SDK2: variants seen among roughly 807,000 people sequenced by gnomAD.
The protein encoded by SDK2 is protein sidekick-2.
SDK2 carries 105 observed loss-of-function variants against 253.9 expected under a neutral mutation model. The observed-to-expected ratio is 0.41, with a 90% CI of 0.35 to 0.49. The LOEUF (loss-of-function observed/expected upper bound fraction) is 0.49, where lower values mean the gene tolerates loss of function less well. SDK2 is among the 20% of genes least tolerant of loss of function. SDK2 has a pLI of 0.06. For synonymous variants in SDK2, 1,249 were observed against 1,234.9 expected, an observed-to-expected ratio of 1.01 and a Z score of -0.24; for missense variants, 2,608 against 3,003.0, an observed-to-expected ratio of 0.87 and a Z score of 3.07.
chr17:73,581,056 T>TC (rs1041651247), intron 1 of SDK2, among the ~76,000 whole-genome samples: 18 of 151,910 alleles, frequency 1.2e-4, no homozygotes, highest in Non-Finnish European at 2.4e-4. Context: ...TTTTTGGTTT[T>TC]TTTTTTCAGA....
chr17:73,386,101 T>C (rs1490706219), intron 31 of SDK2, among the ~76,000 whole-genome samples, 184 bp from the exon 32 acceptor site: 1 of 152,116 alleles, frequency 6.6e-6, no homozygotes, highest in Non-Finnish European at 1.5e-5. Context: ...AGGGAGGGAC[T>C]GTGAGCTGAC....
At chr17:73,531,649 A>C (rs2064169987) in intron 1 of SDK2, among the ~76,000 whole-genome samples, 1 of 152,174 alleles carries the variant, frequency 6.6e-6, no homozygotes, top group Admixed American at 6.5e-5. Flanking sequence ...AATCTACTTA[A>C]TTAAAGGTAT....
chr17:73,620,907 GATAAA>G (rs1422073989), intron 1 of SDK2, among the ~76,000 whole-genome samples: 4 of 152,180 alleles, frequency 2.6e-5, no homozygotes, highest in Non-Finnish European at 5.9e-5. Context: ...CTTTTGGGGT[GATAAA>G]ATGTCTTGAA....
chr17:73,435,454 G>T lies in SDK2; in HGVS notation c.1191C>A (p.Val397=). ...ACAAGGGAAGGCCCAACTTACTGGT[G>T]ACAGCCAGGTAGGTGGAAGTTTGCA... ...GEVQTSTYLA[V]TSIAPNITRG... is the part of the protein sequence containing the mutation. Residue 397 remains valine (V), a synonymous_variant, in exon 9 of 45, where the codon GTC becomes GTA. Coordinates refer to ENST00000392650, the MANE Select transcript of SDK2 (RefSeq NM_001144952.2). The surrounding 1 kb of genome is among the most constrained non-coding windows in gnomAD (Gnocchi z 5.7). The T allele has an allele frequency of 6.3e-7, 1 of 1,589,634 alleles. No homozygotes were observed. The highest frequency in any genetic ancestry group is 8.6e-7 in the Non-Finnish European group (1 of 1,167,354).
At chr17:73,408,961 TTAAA>T (rs1402865925) in intron 18 of SDK2, among the ~76,000 whole-genome samples, 2 of 152,204 alleles carry the variant, frequency 1.3e-5, no homozygotes, top group Admixed American at 1.3e-4. Context: ...TGGTTTTATT[TTAAA>T]TAGAGATCTC....
intron 1 of SDK2, among the ~76,000 whole-genome samples, chr17:73,575,072 C>T (rs1165184243): frequency 6.6e-6 from 1 of 152,196 alleles, no homozygotes; most frequent in African/African-American, 2.4e-5. Flanking sequence ...GGAGGCTGGG[C>T]TCTGCCTGGG....
At chr17:73,479,071 T>G (rs1247573797) in intron 2 of SDK2, among the ~76,000 whole-genome samples, 2 of 152,268 alleles carry the variant, frequency 1.3e-5, no homozygotes, top group African/African-American at 4.8e-5. Context: ...GCACATACAT[T>G]TGTGCACACA....
chr17:73,462,276 T>C (rs1041018288), intron 3 of SDK2, among the ~76,000 whole-genome samples: 5 of 151,942 alleles, frequency 3.3e-5, no homozygotes, highest in Admixed American at 2.6e-4. Flanking sequence ...GTGGGATGCA[T>C]GGTTGTATGT....
At chr17:73,633,348 G>A (rs2046292023) in intron 1 of SDK2, among the ~76,000 whole-genome samples, 1 of 152,208 alleles carries the variant, frequency 6.6e-6, no homozygotes, top group Non-Finnish European at 1.5e-5. Flanking sequence ...TGGGATAGTA[G>A]GTGGTTTCAG....
intron 43 of SDK2, 113 bp downstream of exon 43, chr17:73,350,124 C>T: frequency 2.0e-6 from 2 of 1,006,710 alleles, no homozygotes; most frequent in Non-Finnish European, 2.8e-6. Context: ...AATGGTGTTT[C>T]CCAGGACAAG....
Position 73,509,902 on chromosome 17 carries a change from C to CAAAAAAAAAAAAAAAAAAAAAAAAA in SDK2, c.65-2306_65-2305insTTTTTTTTTTTTTTTTTTTTTTTTT, listed in dbSNP as rs71157018. Among the ~76,000 whole-genome samples the CAAAAAAAAAAAAAAAAAAAAAAAAA allele has an allele frequency of 9.7e-3, 245 of 25,336 alleles. 23 individuals are homozygous for CAAAAAAAAAAAAAAAAAAAAAAAAA. Among genetic ancestry groups the CAAAAAAAAAAAAAAAAAAAAAAAAA allele is most frequent in the Non-Finnish European group, 0.012 (168 of 14,262 alleles). 16.6% of individuals were successfully genotyped at this position (25,336 alleles called of 152,430 possible). A position where few individuals can be genotyped will look rare whatever the true frequency, so the allele number is the denominator to read the frequency against. ...GCAACAGAGCAAGACTCCATCTCTA[C>CAAAAAAAAAAAAAAAAAAAAAAAAA]AAAAAAAAAAAAAAAAAAAAGAAGG... On this transcript the variant is annotated intron_variant, in intron 1 of 44. Coordinates refer to ENST00000392650, the MANE Select transcript of SDK2 (RefSeq NM_001144952.2).
Position 73,473,242 on chromosome 17 carries a change from C to T in SDK2, c.225-1024G>A, listed in dbSNP as rs141478694. Among the ~76,000 whole-genome samples, 449 of 152,304 alleles carry T rather than the reference C, an allele frequency of 2.9e-3. 1 individual carries two copies. Among genetic ancestry groups the T allele is most frequent in the African/African-American group, 9.5e-3 (393 of 41,568 alleles). On this transcript the variant is annotated intron_variant, in intron 2 of 44. Transcript: ENST00000392650. Reference sequence around the variant, plus strand: ...GCATTGGGGGGCAGGCGGCTGGGAGCAGGTGTATGTACATTCACCTAGCTG... The same window carrying T: ...GCATTGGGGGGCAGGCGGCTGGGAGTAGGTGTATGTACATTCACCTAGCTG...
At chr17:73,596,122 C>T (rs1386323982) in intron 1 of SDK2, among the ~76,000 whole-genome samples, 1 of 152,194 alleles carries the variant, frequency 6.6e-6, no homozygotes, top group Admixed American at 6.5e-5. Flanking sequence ...CACAGGGAGT[C>T]CCAGCTGCAG....
In SDK2 at chr17:73,391,469, G is replaced by T; in HGVS notation, c.3968C>A (p.Pro1323His). The T allele has an allele frequency of 2.3e-6, 3 of 1,310,476 alleles. No homozygotes were observed. Among genetic ancestry groups the T allele is most frequent in the Non-Finnish European group, 2.9e-6 (3 of 1,020,976 alleles). The allele number at this position is 1,310,476 out of a possible 1,614,324, so 81.2% of individuals were successfully genotyped here. The change falls in exon 28 of 45, where the codon CCC becomes CAC. Residue 1323 changes from proline to histidine, a missense_variant. Physicochemically the swap from Pro to His is moderately conservative, Grantham distance 77. Around this residue, in one of 2 missense-constraint regions of SDK2, gnomAD observed 1,505 missense variants for 1,859.1 expected, o/e 0.81. Coordinates refer to ENST00000392650, the MANE Select transcript of SDK2 (RefSeq NM_001144952.2). ...RTTSVRLIWQ[P>H]PAAPNGIILA... is the part of the protein sequence containing the mutation. ...AATGATGCCATTGGGGGCGGCAGGG[G>T]GCTGCCAGATCAGCCGCACAGACGT...
At position 73,642,977 on chromosome 17, in the gene SDK2, G is replaced by A. The variant is rs1416377862; in HGVS notation, c.64+1048C>T. On this transcript the variant is annotated intron_variant, in intron 1 of 44. Coordinates refer to ENST00000392650, the MANE Select transcript of SDK2 (RefSeq NM_001144952.2). This position sits in a 1 kb window ranked among gnomAD's most constrained non-coding sequence, Gnocchi z 4.7. ...GGCCCCCTCCTGAGCCTGCGAGAGT[G>A]AAGGCCTAGCCCTGCGAGTCCTGGA... The A allele has an allele frequency of 1.3e-5, 2 of 152,208 alleles. No homozygotes were observed. The highest frequency in any genetic ancestry group is 2.4e-5 in the African/African-American group (1 of 41,428). The allele number at this position is 152,208 out of a possible 1,614,324, so 9.4% of individuals were successfully genotyped here.
intron 1 of SDK2, among the ~76,000 whole-genome samples, chr17:73,564,025 C>T (rs574929270): frequency 3.3e-5 from 5 of 152,146 alleles, no homozygotes; most frequent in Admixed American, 6.5e-5. Flanking sequence ...TTCACACACC[C>T]GGCCTCCCAA....
intron 13 of SDK2, 127 bp from the exon 14 acceptor site, chr17:73,423,649 C>A (rs541676738): frequency 1.7e-6 from 2 of 1,168,602 alleles, no homozygotes; most frequent in African/African-American, 3.1e-5. Context: ...AAAATGTGGC[C>A]TTCGGGCCAT....
At chr17:73,544,483 G>A (rs1269231853) in intron 1 of SDK2, among the ~76,000 whole-genome samples, 1 of 152,206 alleles carries the variant, frequency 6.6e-6, no homozygotes, top group Non-Finnish European at 1.5e-5. Context: ...ATTGGATGGA[G>A]GAGTGGATGG....
chr17:73,433,689 G>T, intron 10 of SDK2, 43 bp downstream of exon 10: 1 of 1,444,556 alleles, frequency 6.9e-7, no homozygotes, highest in Non-Finnish European at 9.5e-7. Context: ...GACTCTTCTA[G>T]GCTATCACCC....
Sources: gnomAD v4.1 joint callset for allele counts (sites outside exome capture counted in the v4.1 genomes callset) on GRCh38, gnomAD v4.1.1 for gene constraint, gnomAD v4.1.1 regional missense constraint, Gnocchi (gnomAD v3.1) non-coding constraint, MANE v1.5 for transcripts, NCBI Gene and HGNC (gene_info 2026-07-23, HGNC 2026-07-21) for gene names.